Variants in PRKCE observed in about 807,000 individuals in gnomAD.
PRKCE encodes protein kinase C epsilon, also known as protein kinase C epsilon type.
A neutral mutation model predicts 85.4 loss-of-function variants in PRKCE; 16 were observed. That is an observed-to-expected ratio of 0.19 (90% confidence interval 0.13 to 0.28). The LOEUF (loss-of-function observed/expected upper bound fraction) is 0.28, where lower values mean the gene tolerates loss of function less well. Ranked by LOEUF, PRKCE falls within the 10% of genes least tolerant of loss-of-function variation. The pLI is 1.00. For synonymous variants in PRKCE, 388 were observed against 371.5 expected (o/e 1.04, Z -0.51); for missense variants, 573 against 975.2 (o/e 0.59, Z 5.49).
At chr2:46,033,186 A>G (rs1375310366) in intron 10 of PRKCE, among the ~76,000 whole-genome samples, 2 of 152,214 alleles carry the variant, frequency 1.3e-5, no homozygotes, top group African/African-American at 4.8e-5. Context: ...AACATCACTT[A>G]TGGACTTAGT....
chr2:46,065,987 C>T (rs1425725958), intron 10 of PRKCE, among the ~76,000 whole-genome samples: 3 of 152,162 alleles, frequency 2.0e-5, no homozygotes, highest in Non-Finnish European at 4.4e-5. Flanking sequence ...TGGTCCCCGA[C>T]CACCCATTTG....
Position 45,861,233 on chromosome 2 carries a change from C to A in PRKCE, c.412+18170C>A, listed in dbSNP as rs117240635. 5.7e-4 allele frequency among the ~76,000 whole-genome samples: 87 copies of A among 152,224 alleles called. No individual in the cohort carries two copies. In the East Asian group the frequency reaches 0.015, roughly 26 times the overall value. On this transcript the variant is annotated intron_variant, in intron 2 of 14. Transcript: ENST00000306156. Reference sequence around the variant, plus strand: ...GTAGGGGTGGGCTTGAGGCTAGAGACTAATTTGGTTCTAACCTCCACAGGC... The same window carrying A: ...GTAGGGGTGGGCTTGAGGCTAGAGAATAATTTGGTTCTAACCTCCACAGGC...
intron 2 of PRKCE, among the ~76,000 whole-genome samples, chr2:45,961,839 G>T (rs1244761488): frequency 6.6e-6 from 1 of 152,164 alleles, no homozygotes; most frequent in Non-Finnish European, 1.5e-5. Context: ...GGGATTACAG[G>T]CATGTGCCGC....
chr2:45,710,783 C>T (rs1679559478), intron 1 of PRKCE, among the ~76,000 whole-genome samples: 1 of 152,210 alleles, frequency 6.6e-6, no homozygotes, highest in Admixed American at 6.5e-5. Context: ...CATTGTTTGC[C>T]ACCCTGATGT....
intron 2 of PRKCE, among the ~76,000 whole-genome samples, chr2:45,878,337 T>G (rs1163540290): frequency 6.6e-6 from 1 of 152,228 alleles, no homozygotes; most frequent in Admixed American, 6.5e-5. Flanking sequence ...ACAGCCACCT[T>G]ATAACAAGTT....
chr2:45,744,678 G>A lies in PRKCE; in HGVS notation c.348+92230G>A, dbSNP rs143846117. The stretch of plus-strand genomic sequence containing the variant: ...GCTGGAGTGCAGTGGTGCCGTCTCC[G>A]GCTCACTGCAACCTCCGTCTCCAGA... On this transcript the variant is annotated intron_variant, in intron 1 of 14. Coordinates refer to ENST00000306156, the MANE Select transcript of PRKCE (RefSeq NM_005400.3). Among the ~76,000 whole-genome samples, 410 of 151,224 alleles carry A rather than the reference G, an allele frequency of 2.7e-3. 2 individuals are homozygous for A. The highest frequency in any genetic ancestry group is 0.01 in the Middle Eastern group (3 of 294).
intron 2 of PRKCE, among the ~76,000 whole-genome samples, chr2:45,924,799 A>G (rs1038757858): frequency 2.0e-5 from 3 of 152,240 alleles, no homozygotes; most frequent in Non-Finnish European, 4.4e-5. Flanking sequence ...AAATTAATTC[A>G]TGGGAGAAGT....
chr2:45,988,101 G>T (rs926321375), intron 6 of PRKCE, among the ~76,000 whole-genome samples: 11 of 152,332 alleles, frequency 7.2e-5, no homozygotes, highest in African/African-American at 2.6e-4. Context: ...TGCTTAGGAA[G>T]ACTCAGCCAG....
At chr2:45,676,617 C>G (rs1385792589) in intron 1 of PRKCE, 1 of 152,254 alleles carries the variant, frequency 6.6e-6, no homozygotes, top group African/African-American at 2.4e-5. Flanking sequence ...TCATTCTTGA[C>G]TGGACATACA....
chr2:46,126,037 G>A (rs570127761), intron 11 of PRKCE, among the ~76,000 whole-genome samples: 10 of 152,254 alleles, frequency 6.6e-5, no homozygotes, highest in Non-Finnish European at 1.5e-4. Context: ...AGTTCTTGCC[G>A]AGTGGGCTCA....
At chr2:45,938,183 G>T (rs1699615043) in intron 2 of PRKCE, among the ~76,000 whole-genome samples, 1 of 151,270 alleles carries the variant, frequency 6.6e-6, no homozygotes, top group African/African-American at 2.4e-5. Flanking sequence ...CCTCAGGGCA[G>T]GGCTGATGGG....
intron 10 of PRKCE, among the ~76,000 whole-genome samples, chr2:46,030,353 G>C (rs1434215471): frequency 6.6e-6 from 1 of 152,192 alleles, no homozygotes; most frequent in African/African-American, 2.4e-5. Flanking sequence ...GGGGCACTCT[G>C]GAGTGCTTTC....
chr2:45,964,191 CCT>C (rs1425897058), intron 2 of PRKCE, among the ~76,000 whole-genome samples: 1 of 152,172 alleles, frequency 6.6e-6, no homozygotes, highest in Non-Finnish European at 1.5e-5. Flanking sequence ...ACATTCACAC[CCT>C]TTCCATGTTC....
chr2:45,833,859 C>T (rs1030243013), intron 1 of PRKCE, among the ~76,000 whole-genome samples: 11 of 152,198 alleles, frequency 7.2e-5, no homozygotes, highest in African/African-American at 2.7e-4. Context: ...TATTAGTGCT[C>T]ACCTACCTCT....
intron 2 of PRKCE, among the ~76,000 whole-genome samples, chr2:45,952,309 A>G (rs1190737775): frequency 2.6e-5 from 4 of 152,244 alleles, no homozygotes; most frequent in Non-Finnish European, 5.9e-5. Flanking sequence ...ACATTTCATT[A>G]CACCATGCTG....
intron 1 of PRKCE, among the ~76,000 whole-genome samples, chr2:45,718,972 T>C: frequency 6.6e-6 from 1 of 152,250 alleles, no homozygotes; most frequent in South Asian, 2.1e-4. Flanking sequence ...TTTAATATGC[T>C]AATATAGGCT....
chr2:46,112,499 TTTTG>T (rs148218328), intron 11 of PRKCE, among the ~76,000 whole-genome samples: 5,834 of 140,686 alleles, frequency 0.041, 167 homozygotes, highest in East Asian at 0.11. Context: ...TTGGTTTTTT[TTTTG>T]TTTGTTTGTT....
intron 1 of PRKCE, among the ~76,000 whole-genome samples, chr2:45,716,352 AC>A (rs1680083445): frequency 6.6e-6 from 1 of 152,092 alleles, no homozygotes; most frequent in Non-Finnish European, 1.5e-5. Flanking sequence ...CCCTGTGTCT[AC>A]CAAAAATACA....
rs565525201 is a variant in PRKCE, at chr2:45,960,547, C to T, written c.413-15882C>T. On this transcript the variant is annotated intron_variant, in intron 2 of 14. Transcript: ENST00000306156. The stretch of plus-strand genomic sequence containing the variant: ...CACGTGTGCAGTTTACAATAGGGTT[C>T]CCGCTCCTATGAGAATCTAATGCTG... 9.9e-5 allele frequency among the ~76,000 whole-genome samples: 15 copies of T among 152,204 alleles called. No individual in the cohort carries two copies. The South Asian group carries it at 2.9e-3, about 29-fold the overall frequency.
Sources: allele counts gnomAD v4.1 joint callset (sites outside exome capture counted in the v4.1 genomes callset), GRCh38; gene constraint gnomAD v4.1.1; transcripts MANE v1.5; gene names NCBI Gene and HGNC (gene_info 2026-07-23, HGNC 2026-07-21).